Variants in FOXJ3 observed in about 807,000 individuals in gnomAD.
FOXJ3 encodes the protein forkhead box protein J3.
Under a neutral mutation model 76.1 loss-of-function variants are expected in FOXJ3, and 22 were observed. The ratio of observed to expected loss-of-function variants is 0.29; its 90% CI spans 0.21 to 0.41. The LOEUF (loss-of-function observed/expected upper bound fraction) is 0.41, where lower values mean the gene tolerates loss of function less well. Among genes scored for constraint, FOXJ3 ranks in the 10% least tolerant of loss-of-function variants. FOXJ3 has a pLI of 1.00. For synonymous variants in FOXJ3, 269 were observed against 261.2 expected, an observed-to-expected ratio of 1.03 and a Z score of -0.29; for missense variants, 613 against 762.1, an observed-to-expected ratio of 0.80 and a Z score of 2.30.
At chr1:42,302,701 T>C (rs946087320) in intron 2 of FOXJ3, among the ~76,000 whole-genome samples, 4 of 152,260 alleles carry the variant, frequency 2.6e-5, no homozygotes, top group South Asian at 2.1e-4. Context: ...ACCATAAAGC[T>C]TGCCTATGAT....
chr1:42,324,103 T>TATATATACA lies in FOXJ3; in HGVS notation c.-18+10955_-18+10956insTGTATATAT, dbSNP rs1553170579. On this transcript the variant is annotated intron_variant, in intron 1 of 12. Transcript: ENST00000361346. Reference sequence around the variant, plus strand: ...TAGTATATATACTGTATATATACTGTGTATATACACTGTATATACACAGTG... The same window carrying TATATATACA: ...TAGTATATATACTGTATATATACTGTATATATACAGTATATACACTGTATATACACAGTG... 8.1e-3 allele frequency among the ~76,000 whole-genome samples: 714 copies of TATATATACA among 88,118 alleles called. 64 individuals are homozygous for TATATATACA. The highest frequency in any genetic ancestry group is 0.012 in the African/African-American group (244 of 20,554). 57.8% of individuals were successfully genotyped at this position (88,118 alleles called of 152,430 possible).
rs76463615 is a variant in FOXJ3, at chr1:42,220,740, C to T, written c.528+7143G>A. Among the ~76,000 whole-genome samples the T allele has an allele frequency of 4.1e-3, 630 of 152,288 alleles. 3 individuals are homozygous for T. The highest frequency in any genetic ancestry group is 0.014 in the African/African-American group (587 of 41,562). On this transcript the variant is annotated intron_variant, in intron 5 of 12. Transcript: ENST00000361346. The stretch of plus-strand genomic sequence containing the variant: ...GAGCTCTAGGTGCTAACAGTTTTAA[C>T]TGACTGGGTGATTTACCCTTATTGG...
intron 5 of FOXJ3, among the ~76,000 whole-genome samples, chr1:42,209,071 C>A (rs533507685): frequency 4.1e-4 from 63 of 152,284 alleles, no homozygotes; most frequent in African/African-American, 1.5e-3. Flanking sequence ...CAGGTACTAT[C>A]TACAAAAGGC....
Position 42,220,175 on chromosome 1 carries a change from G to A in FOXJ3, c.528+7708C>T, listed in dbSNP as rs182778212. Among the ~76,000 whole-genome samples, 8 of 152,226 alleles carry A rather than the reference G, an allele frequency of 5.3e-5. No individual in the cohort carries two copies. The East Asian group carries it at 1.2e-3, about 22-fold the overall frequency. On this transcript the variant is annotated intron_variant, in intron 5 of 12. Coordinates refer to ENST00000361346, the MANE Select transcript of FOXJ3 (RefSeq NM_014947.5). ...CTTCTTCCATAAAAGTGTTGAATGC[G>A]TCACTTATATTTTTTAACTCTGAAT...
intron 4 of FOXJ3, among the ~76,000 whole-genome samples, chr1:42,235,921 C>T (rs577122964): frequency 6.6e-6 from 1 of 152,148 alleles, no homozygotes; most frequent in South Asian, 2.1e-4. Context: ...CTCTTGGGCT[C>T]AAATGATCCT....
chr1:42,295,026 T>G (rs1453995530), intron 2 of FOXJ3, among the ~76,000 whole-genome samples: 1 of 152,206 alleles, frequency 6.6e-6, no homozygotes, highest in Non-Finnish European at 1.5e-5. Context: ...TTTTGCTTGA[T>G]GTATCCAGAG....
rs140014609 is a variant in FOXJ3, at chr1:42,193,553, G to A, written c.934+1337C>T. Among the ~76,000 whole-genome samples, 223 of 152,050 alleles carry A rather than the reference G, an allele frequency of 1.5e-3. 1 individual carries two copies. The highest frequency in any genetic ancestry group is 2.9e-3 in the Non-Finnish European group (194 of 67,984). On this transcript the variant is annotated intron_variant, in intron 8 of 12. Coordinates refer to ENST00000361346, the MANE Select transcript of FOXJ3 (RefSeq NM_014947.5). Reference sequence around the variant, plus strand: ...CATTAGTTCTTTTTATACTTTTATAGATGAAAAATTTAAAAGTTGGAAAAC... The same window carrying A: ...CATTAGTTCTTTTTATACTTTTATAAATGAAAAATTTAAAAGTTGGAAAAC...
chr1:42,185,213 C>T, intron 11 of FOXJ3, among the ~76,000 whole-genome samples: 1 of 150,532 alleles, frequency 6.6e-6, no homozygotes. Flanking sequence ...TCTTATTGCA[C>T]TTAAACCCTA....
intron 4 of FOXJ3, among the ~76,000 whole-genome samples, chr1:42,247,843 A>G (rs1446302812): frequency 6.6e-6 from 1 of 152,210 alleles, no homozygotes. Context: ...TTCAAAGTAC[A>G]AACAATCTAA....
intron 4 of FOXJ3, among the ~76,000 whole-genome samples, chr1:42,237,413 T>C (rs867326754): frequency 4.2e-5 from 6 of 143,908 alleles, no homozygotes; most frequent in African/African-American, 1.3e-4. Flanking sequence ...TACATATATA[T>C]ATATATATAT....
chr1:42,232,748 T>A (rs1339223040), intron 4 of FOXJ3, among the ~76,000 whole-genome samples: 1 of 152,238 alleles, frequency 6.6e-6, no homozygotes, highest in Non-Finnish European at 1.5e-5. Flanking sequence ...GTAGGCTGCC[T>A]GTTCACTCTG....
intron 2 of FOXJ3, among the ~76,000 whole-genome samples, chr1:42,295,127 G>A (rs904678417): frequency 6.6e-6 from 1 of 152,232 alleles, no homozygotes; most frequent in African/African-American, 2.4e-5. Context: ...ATTGCATATT[G>A]GTGGAGACTG....
In FOXJ3 at chr1:42,183,314, AGGG is replaced by A. The variant is rs1646365332; in HGVS notation, c.1646-1293_1646-1291del. ...CGGAGGGGGCGGGGCGGGGTGGGGG[AGGG>A]GAGGGGAGGGGAGGGGAGGGGAGGG... On this transcript the variant is annotated intron_variant, in intron 11 of 12. Transcript: ENST00000361346. Among the ~76,000 whole-genome samples the A allele has an allele frequency of 0.028, 5 of 180 alleles. No individual in the cohort carries two copies. In the East Asian group the frequency reaches 0.5, roughly 18 times the overall value. The allele number at this position is 180 out of a possible 152,430, so 0.1% of individuals were successfully genotyped here. A position where few individuals can be genotyped will look rare whatever the true frequency, so the allele number is the denominator to read the frequency against.
At chr1:42,212,493 C>T (rs1646983880) in intron 5 of FOXJ3, among the ~76,000 whole-genome samples, 1 of 150,588 alleles carries the variant, frequency 6.6e-6, no homozygotes, top group Non-Finnish European at 1.5e-5. Flanking sequence ...TTTCAGAGGT[C>T]GAAGACAAGG....
intron 1 of FOXJ3, among the ~76,000 whole-genome samples, chr1:42,324,888 T>C (rs985327330): frequency 8.5e-5 from 13 of 152,208 alleles, no homozygotes; most frequent in Non-Finnish European, 1.5e-4. Flanking sequence ...CTGTAGACTT[T>C]ATAAACACTG....
chr1:42,227,718 CAAATA>C (rs973721327), intron 5 of FOXJ3, among the ~76,000 whole-genome samples, 160 bp downstream of exon 5: 7 of 152,134 alleles, frequency 4.6e-5, no homozygotes, highest in African/African-American at 1.7e-4. Context: ...GAGTTAAGAT[CAAATA>C]AAATGAGTCT....
Position 42,324,337 on chromosome 1 carries a change from CACTATATACTATACATAACATATAT to C in FOXJ3, c.-18+10697_-18+10721del, listed in dbSNP as rs1439391404. 6.3e-5 allele frequency among the ~76,000 whole-genome samples: 8 copies of C among 127,328 alleles called. 1 individual carries two copies. The highest frequency in any genetic ancestry group is 1.1e-4 in the African/African-American group (3 of 28,066). The allele number at this position is 127,328 out of a possible 152,430, so 83.5% of individuals were successfully genotyped here. On this transcript the variant is annotated intron_variant, in intron 1 of 12. Transcript: ENST00000361346. ...ATATACACGAGATATATAACATATA[CACTATATACTATACATAACATATAT>C]ACTATATATACTATATATAACATAT...
chr1:42,265,775 C>T (rs1195568324), intron 3 of FOXJ3, among the ~76,000 whole-genome samples: 1 of 152,094 alleles, frequency 6.6e-6, no homozygotes, highest in Non-Finnish European at 1.5e-5. Flanking sequence ...TAGGTTCTCA[C>T]CACAATCTGT....
intron 3 of FOXJ3, among the ~76,000 whole-genome samples, chr1:42,272,857 A>G (rs1651961423): frequency 6.6e-6 from 1 of 152,224 alleles, no homozygotes; most frequent in Admixed American, 6.5e-5. Context: ...TAGGATCTCC[A>G]TATTCTGACT....
Sources: gnomAD v4.1 joint callset for allele counts (sites outside exome capture counted in the v4.1 genomes callset) on GRCh38, gnomAD v4.1.1 for gene constraint, MANE v1.5 for transcripts, NCBI Gene and HGNC (gene_info 2026-07-23, HGNC 2026-07-21) for gene names.